Variants in MROH7 observed in about 807,000 individuals in gnomAD.
MROH7 encodes the protein maestro heat like repeat family member 7.
Under a neutral mutation model 129.2 loss-of-function variants are expected in MROH7, and 113 were observed. The ratio of observed to expected loss-of-function variants is 0.87; its 90% CI spans 0.75 to 1.02. The LOEUF (loss-of-function observed/expected upper bound fraction) is 1.02. Ranked by LOEUF, MROH7 falls within the 50% of genes least tolerant of loss-of-function variation. MROH7 has a pLI of 0.00. For missense variants in MROH7, 1,601 were observed against 1,671.3 expected, an observed-to-expected ratio of 0.96 and a Z score of 0.73; for synonymous variants, 655 against 667.9, an observed-to-expected ratio of 0.98 and a Z score of 0.30.
chr1:54,703,461 T>C lies in MROH7; in HGVS notation c.3564+716T>C, dbSNP rs1331672403. On this transcript the variant is annotated intron_variant, in intron 21 of 23. Coordinates refer to ENST00000421030, the MANE Select transcript of MROH7 (RefSeq NM_001039464.4). This position sits in a 1 kb window ranked among gnomAD's most constrained non-coding sequence, Gnocchi z 4.4. ...TTTGGGAAATACTGCACTGACATTCTCCTCTTGGAGATTTGCAATGACATC... is the reference window on the plus strand; with the variant it reads ...TTTGGGAAATACTGCACTGACATTCCCCTCTTGGAGATTTGCAATGACATC... Among the ~76,000 whole-genome samples the C allele has an allele frequency of 6.6e-6, 1 of 152,180 alleles. No individual in the cohort carries two copies. Among genetic ancestry groups the C allele is most frequent in the Non-Finnish European group, 1.5e-5 (1 of 68,024 alleles).
At chr1:54,688,279 C>T (rs1438879489) in intron 15 of MROH7, among the ~76,000 whole-genome samples, 1 of 150,798 alleles carries the variant, frequency 6.6e-6, no homozygotes, top group African/African-American at 2.4e-5. Context: ...GCCATGTTGC[C>T]CAGGCTGGTC....
In MROH7 at chr1:54,680,027, G is replaced by T; in HGVS notation, c.2363G>T (p.Cys788Phe). 6.2e-7 allele frequency: 1 copy of T among 1,613,914 alleles called. No homozygotes were observed. Among genetic ancestry groups the T allele is most frequent in the Non-Finnish European group, 8.5e-7 (1 of 1,179,942 alleles). ...MTEVVVALLM[C>F]PLPLNSNGAE... ...GAGGTTGTGGTGGCCCTGCTCATGT[G>T]CCCCCTCCCACTGAACAGGTACCAA... Residue 788 changes from cysteine (C) to phenylalanine (F), a missense_variant, in exon 13 of 24, where the codon TGC becomes TTC. Physicochemically the swap from Cys to Phe is radical, Grantham distance 205 (BLOSUM62 -2). Transcript: ENST00000421030.
At chr1:54,701,655 G>T (rs567752095) in intron 19 of MROH7, among the ~76,000 whole-genome samples, 1 of 152,136 alleles carries the variant, frequency 6.6e-6, no homozygotes, top group Non-Finnish European at 1.5e-5. Context: ...ATCTCAGCTC[G>T]ACCTTCCTGG....
intron 14 of MROH7, among the ~76,000 whole-genome samples, chr1:54,683,734 C>T (rs112831259): frequency 1.3e-4 from 20 of 152,250 alleles, no homozygotes; most frequent in African/African-American, 1.9e-4. Flanking sequence ...CATCCAGCCA[C>T]GCTATCTTGT....
At position 54,682,655 on chromosome 1, in the gene MROH7, G is replaced by T. The variant is rs1388114133; in HGVS notation, c.2382-1G>T. ...AATTGCCCACATCCCTGACCTCTCA[G>T]CAATGGAGCAGAGATGTGGAGGCAG... On this transcript the variant is annotated splice_acceptor_variant, in intron 13 of 23. Transcript: ENST00000421030. LOFTEE classifies it high-confidence loss of function. 1 of 1,612,490 alleles carries T rather than the reference G, an allele frequency of 6.2e-7. No individual in the cohort carries two copies. Among genetic ancestry groups the T allele is most frequent in the Non-Finnish European group, 8.5e-7 (1 of 1,179,340 alleles).
chr1:54,702,597 G>A, intron 20 of MROH7, 26 bp from the exon 21 acceptor site: 1 of 1,561,174 alleles, frequency 6.4e-7, no homozygotes, highest in Non-Finnish European at 8.7e-7. Flanking sequence ...CCACAGTTCT[G>A]ATATTTTCTT....
intron 14 of MROH7, among the ~76,000 whole-genome samples, chr1:54,684,230 C>G (rs1645112997): frequency 6.6e-6 from 1 of 152,202 alleles, no homozygotes; most frequent in Non-Finnish European, 1.5e-5. Context: ...AGTATTATCC[C>G]ATTACAGAGG....
intron 23 of MROH7, among the ~76,000 whole-genome samples, chr1:54,709,643 G>A (rs1011689587): frequency 3.3e-5 from 5 of 152,132 alleles, no homozygotes; most frequent in African/African-American, 1.2e-4. Context: ...GCTCCAAAGT[G>A]AGACCAAAAG....
intron 1 of MROH7, among the ~76,000 whole-genome samples, chr1:54,649,399 T>C (rs1295952626): frequency 6.6e-6 from 1 of 152,228 alleles, no homozygotes; most frequent in Non-Finnish European, 1.5e-5. Context: ...CTCCTGTAGA[T>C]CCCACCCAAG....
intron 1 of MROH7, among the ~76,000 whole-genome samples, chr1:54,645,655 C>T (rs12070541): frequency 0.43 from 52,711 of 123,226 alleles, 12,641 homozygotes; most frequent in African/African-American, 0.59. Flanking sequence ...TTCTTTCTTT[C>T]TTTTTTTTTT....
chr1:54,651,073 C>T (rs1644547298), intron 1 of MROH7, among the ~76,000 whole-genome samples: 1 of 152,308 alleles, frequency 6.6e-6, no homozygotes, highest in African/African-American at 2.4e-5. Context: ...GCTCTCTCAT[C>T]TCCCTGGCCC....
Position 54,700,403 on chromosome 1 carries a change from C to G in MROH7, c.3047C>G (p.Pro1016Arg), listed in dbSNP as rs1450797271. The change falls in exon 18 of 24, where the codon CCC (proline) becomes CGC (arginine). Residue 1016 changes from proline (P) to arginine (R), a missense_variant. Pro to Arg is a moderately radical substitution (Grantham distance 103). Transcript: ENST00000421030. Reference sequence around the variant, plus strand: ...GCAGAAGGCCTGAGCCACCACGACCCCATCATGAAGGTGCTGTCCATTCGA... The same window carrying G: ...GCAGAAGGCCTGAGCCACCACGACCGCATCATGAAGGTGCTGTCCATTCGA... The part of the protein sequence containing the change: ...RMAEGLSHHD[P>R]IMKVLSIRGL... The G allele has an allele frequency of 1.9e-6, 3 of 1,613,678 alleles. No individual in the cohort carries two copies. The Admixed American group carries it at 5.0e-5, about 27-fold the overall frequency.
At chr1:54,709,435 C>T (rs1645588615) in intron 23 of MROH7, among the ~76,000 whole-genome samples, 1 of 152,106 alleles carries the variant, frequency 6.6e-6, no homozygotes, top group Non-Finnish European at 1.5e-5. Context: ...CCAGGCTGGT[C>T]TCGAACTCCT....
Position 54,673,123 on chromosome 1 carries a change from G to C in MROH7, c.1632G>C (p.Gln544His), listed in dbSNP as rs992551433. The C allele has an allele frequency of 1.9e-6, 3 of 1,613,850 alleles. No homozygotes were observed. The highest frequency in any genetic ancestry group is 2.5e-6 in the Non-Finnish European group (3 of 1,179,946). The change falls in exon 8 of 24, where the codon CAG (glutamine) becomes CAC (histidine). Residue 544 changes from glutamine (Q) to histidine (H), a missense_variant. Transcript: ENST00000421030. ...ACCATCAGACCCTGGAGGCCCTGCAGACACTGCTCAAAGCCCTCTTTATCG... is the reference window on the plus strand; with the variant it reads ...ACCATCAGACCCTGGAGGCCCTGCACACACTGCTCAAAGCCCTCTTTATCG... Reference protein sequence around the residue: ...ALYHQTLEALQTLLKALFIED... With the variant: ...ALYHQTLEALHTLLKALFIED...
chr1:54,682,879 C>T (rs796606933), intron 14 of MROH7, 85 bp downstream of exon 14: 1 of 1,471,484 alleles, frequency 6.8e-7, no homozygotes, highest in East Asian at 2.3e-5. Context: ...GCACACCCGG[C>T]CTCGAGTACC....
chr1:54,662,157 C>G (rs544053037), intron 3 of MROH7, among the ~76,000 whole-genome samples: 16 of 152,200 alleles, frequency 1.1e-4, no homozygotes, highest in African/African-American at 3.6e-4. Context: ...GAGGGCGAGG[C>G]TACAGTCAGC....
chr1:54,663,064 T>A (rs1644754893), intron 3 of MROH7, among the ~76,000 whole-genome samples: 1 of 152,190 alleles, frequency 6.6e-6, no homozygotes, highest in Non-Finnish European at 1.5e-5. Flanking sequence ...TTTCATCACT[T>A]GAGTAGGATG....
chr1:54,650,441 G>A (rs985686013), intron 1 of MROH7, among the ~76,000 whole-genome samples: 1 of 152,158 alleles, frequency 6.6e-6, no homozygotes. Flanking sequence ...AAATGAGTTA[G>A]TGAAAGAATA....
At chr1:54,672,385 A>G (rs1206091474) in intron 7 of MROH7, among the ~76,000 whole-genome samples, 2 of 152,008 alleles carry the variant, frequency 1.3e-5, no homozygotes, top group Non-Finnish European at 2.9e-5. Flanking sequence ...AGCTGGCAGG[A>G]CGAGGGGAGG....
Sources: gnomAD v4.1 joint callset for allele counts (sites outside exome capture counted in the v4.1 genomes callset) on GRCh38, gnomAD v4.1.1 for gene constraint, Gnocchi (gnomAD v3.1) non-coding constraint, MANE v1.5 for transcripts, NCBI Gene and HGNC (gene_info 2026-07-23, HGNC 2026-07-21) for gene names.